MYO3A: variants seen among roughly 807,000 people sequenced by gnomAD.
The protein encoded by MYO3A is myosin IIIA.
A neutral mutation model predicts 192.7 loss-of-function variants in MYO3A; 180 were observed. The ratio of observed to expected loss-of-function variants is 0.93; its 90% CI spans 0.83 to 1.06. The LOEUF is 1.06. Among genes scored for constraint, MYO3A ranks in the 50% least tolerant of loss-of-function variants. The pLI is 0.00. For missense variants in MYO3A, 1,896 were observed against 1,905.0 expected (o/e 1.00, Z 0.09); for synonymous variants, 628 against 645.3 (o/e 0.97, Z 0.41).
At chr10:26,125,128 G>A (rs765890023) in intron 18 of MYO3A, among the ~76,000 whole-genome samples, 3 of 152,044 alleles carry the variant, frequency 2.0e-5, no homozygotes, top group Non-Finnish European at 2.9e-5. Flanking sequence ...ACAACCACTC[G>A]CTTATGCAGC....
intron 17 of MYO3A, among the ~76,000 whole-genome samples, chr10:26,108,599 A>C (rs1837972309): frequency 6.6e-6 from 1 of 152,204 alleles, no homozygotes; most frequent in Non-Finnish European, 1.5e-5. Flanking sequence ...TATCAGCAAT[A>C]ACTTTAGTTC....
intron 32 of MYO3A, among the ~76,000 whole-genome samples, chr10:26,194,638 G>C (rs1391656516): frequency 2.0e-5 from 3 of 152,178 alleles, no homozygotes; most frequent in Non-Finnish European, 2.9e-5. Flanking sequence ...AAGTTAGCCA[G>C]TCTTCTCTAG....
chr10:26,116,443 A>G (rs1588983054), intron 17 of MYO3A, among the ~76,000 whole-genome samples: 1 of 152,340 alleles, frequency 6.6e-6, no homozygotes. Context: ...ACTGTACTCC[A>G]GTATGACCTT....
chr10:25,996,526 G>A lies in MYO3A; in HGVS notation c.340G>A (p.Gly114Arg). 1 of 1,613,858 alleles carries A rather than the reference G, an allele frequency of 6.2e-7. No homozygotes were observed. Among genetic ancestry groups the A allele is most frequent in the Non-Finnish European group, 8.5e-7 (1 of 1,179,870 alleles). ...SGGSVTDLVK[G>R]FLKRGERMSE... is the part of the protein sequence containing the mutation. ...AGGATCAGTGACTGACCTTGTGAAA[G>A]GATTTCTGAAGAGGGGTGAAAGAAT... The change falls in exon 5 of 35, where the codon GGA (glycine) becomes AGA (arginine). Residue 114 changes from glycine to arginine, a missense_variant. Physicochemically the swap from Gly to Arg is moderately radical, Grantham distance 125 (BLOSUM62 -2). Transcript: ENST00000642920.
chr10:26,136,079 C>T (rs1276985156), intron 20 of MYO3A, among the ~76,000 whole-genome samples: 2 of 151,822 alleles, frequency 1.3e-5, no homozygotes, highest in African/African-American at 4.8e-5. Context: ...TCGAACATTT[C>T]TGGAATTTGA....
intron 20 of MYO3A, among the ~76,000 whole-genome samples, chr10:26,131,350 AT>A (rs11332278): frequency 0.66 from 99,555 of 151,962 alleles, 32,991 homozygotes; most frequent in Middle Eastern, 0.74. Flanking sequence ...ACAGTAAAAC[AT>A]TTTTTTGTGA....
At chr10:25,960,279 T>C (rs1487904262) in intron 4 of MYO3A, among the ~76,000 whole-genome samples, 1 of 152,122 alleles carries the variant, frequency 6.6e-6, no homozygotes, top group African/African-American at 2.4e-5. Flanking sequence ...TATAATAGTA[T>C]TTTCAAAAAT....
chr10:26,007,279 T>C (rs1588759908), intron 6 of MYO3A, among the ~76,000 whole-genome samples: 1 of 150,950 alleles, frequency 6.6e-6, no homozygotes, highest in Non-Finnish European at 1.5e-5. Context: ...AATATCATAC[T>C]GAATGGGCAA....
At chr10:26,176,649 ACT>A (rs1484941566) in intron 30 of MYO3A, 50 bp from the exon 31 acceptor site, 16 of 1,550,516 alleles carry the variant, frequency 1.0e-5, no homozygotes, top group Admixed American at 1.7e-5. Flanking sequence ...TGCCTGCAGA[ACT>A]CTCTGTATTC....
Position 26,044,485 on chromosome 10 carries a change from G to A in MYO3A, c.953+17953G>A, listed in dbSNP as rs75705430. ...GGATGGGCGATTCCCCCTGGCTAGGGCTGGTTTAAATACTCCTTCTTTGGG... is the reference window on the plus strand; with the variant it reads ...GGATGGGCGATTCCCCCTGGCTAGGACTGGTTTAAATACTCCTTCTTTGGG... On this transcript the variant is annotated intron_variant, in intron 10 of 34. Coordinates refer to ENST00000642920, the MANE Select transcript of MYO3A (RefSeq NM_017433.5). Among the ~76,000 whole-genome samples the A allele has an allele frequency of 3.5e-3, 533 of 152,318 alleles. 7 individuals carry two copies. Among genetic ancestry groups the A allele is most frequent in the African/African-American group, 0.012 (515 of 41,570 alleles).
Position 26,166,105 on chromosome 10 carries a change from G to A in MYO3A, c.3038G>A (p.Arg1013His), listed in dbSNP as rs368350598. The A allele has an allele frequency of 1.4e-5, 22 of 1,613,954 alleles. No homozygotes were observed. Among genetic ancestry groups the A allele is most frequent in the South Asian group, 1.2e-4 (11 of 91,086 alleles). Residue 1013 changes from arginine (R) to histidine (H), a missense_variant, in exon 27 of 35, where the codon CGC becomes CAC. By Grantham distance (29) the Arg-to-His change is conservative. Coordinates refer to ENST00000642920, the MANE Select transcript of MYO3A (RefSeq NM_017433.5). ...LLCYKSSEEP[R>H]MSPDTCATIL... is the part of the protein sequence containing the mutation. ...TGCTACAAGTCGAGCGAGGAGCCCC[G>A]CATGAGCCCTGACACCTGTGCCACC...
intron 20 of MYO3A, among the ~76,000 whole-genome samples, chr10:26,128,943 G>A (rs1198688646): frequency 6.6e-6 from 1 of 152,116 alleles, no homozygotes; most frequent in Non-Finnish European, 1.5e-5. Flanking sequence ...CCAGTAGCTA[G>A]GCAACAGAAT....
chr10:25,988,432 A>G (rs1349336875), intron 4 of MYO3A, among the ~76,000 whole-genome samples: 2 of 152,212 alleles, frequency 1.3e-5, no homozygotes, highest in African/African-American at 4.8e-5. Flanking sequence ...TCACAATGTC[A>G]AGTGCTGATG....
At chr10:26,096,353 A>G (rs1361690680) in intron 15 of MYO3A, 28 bp from the exon 16 acceptor site, 2 of 1,465,766 alleles carry the variant, frequency 1.4e-6, no homozygotes, top group Admixed American at 1.7e-5. Context: ...CTTACTAACT[A>G]CCTTACTGTA....
chr10:25,936,636 T>C (rs1322182539), intron 2 of MYO3A, among the ~76,000 whole-genome samples: 1 of 152,172 alleles, frequency 6.6e-6, no homozygotes, highest in Admixed American at 6.5e-5. Flanking sequence ...CCTTACTACT[T>C]TGGCGACACA....
intron 4 of MYO3A, among the ~76,000 whole-genome samples, chr10:25,971,377 G>T (rs189411980): frequency 1.5e-4 from 23 of 152,226 alleles, no homozygotes; most frequent in African/African-American, 4.3e-4. Context: ...AGAGAAAAAG[G>T]AAGAAATATG....
intron 18 of MYO3A, 44 bp downstream of exon 18, chr10:26,120,846 C>T: frequency 6.2e-7 from 1 of 1,606,498 alleles, no homozygotes; most frequent in Non-Finnish European, 8.5e-7. Context: ...TCTTTCAAAT[C>T]TTATGACATA....
chr10:26,076,007 A>G (rs1400050003), intron 14 of MYO3A, among the ~76,000 whole-genome samples: 5 of 150,978 alleles, frequency 3.3e-5, no homozygotes, highest in African/African-American at 4.9e-5. Flanking sequence ...TTCTGGGTGG[A>G]TACCCAGTAG....
intron 6 of MYO3A, among the ~76,000 whole-genome samples, chr10:26,014,124 A>G (rs1354905072): frequency 1.3e-5 from 2 of 152,030 alleles, no homozygotes; most frequent in East Asian, 1.9e-4. Flanking sequence ...GACTCAGAAG[A>G]GAGTGAGCGG....
Sources: gnomAD v4.1 joint callset for allele counts (sites outside exome capture counted in the v4.1 genomes callset) on GRCh38, gnomAD v4.1.1 for gene constraint, MANE v1.5 for transcripts, NCBI Gene and HGNC (gene_info 2026-07-23, HGNC 2026-07-21) for gene names.